Variants in OTOF observed in about 807,000 individuals in gnomAD.
The protein encoded by OTOF is fer-1-like family member 2.
Under a neutral mutation model 236.8 loss-of-function variants are expected in OTOF, and 218 were observed. That is an observed-to-expected ratio of 0.92 (90% CI 0.82 to 1.03). The LOEUF is 1.03. Ranked by LOEUF, OTOF falls within the 50% of genes least tolerant of loss-of-function variation. OTOF has a pLI of 0.00. For missense variants in OTOF, 2,590 were observed against 2,694.4 expected (o/e 0.96, Z 0.86); for synonymous variants, 1,041 against 1,072.5 (o/e 0.97, Z 0.57).
intron 2 of OTOF, among the ~76,000 whole-genome samples, chr2:26,533,544 C>T (rs891814714): frequency 6.6e-6 from 1 of 152,094 alleles, no homozygotes; most frequent in African/African-American, 2.4e-5. Flanking sequence ...AATTCTCTTC[C>T]CCACTCTAAG....
chr2:26,512,145 T>A lies in OTOF; in HGVS notation c.509+4273A>T, dbSNP rs575001450. Among the ~76,000 whole-genome samples the A allele has an allele frequency of 2.0e-5, 3 of 151,366 alleles. No homozygotes were observed. In the South Asian group the frequency reaches 6.3e-4, roughly 32 times the overall value. On this transcript the variant is annotated intron_variant, in intron 5 of 46. Transcript: ENST00000272371. ...CAGAGAGGAGACCAGCAGAAGAGGG[T>A]TTGGGCAGCAGAAGGAGGTGGGGGT... is the stretch of plus-strand genomic sequence containing the variant.
intron 9 of OTOF, among the ~76,000 whole-genome samples, chr2:26,490,830 G>T (rs1011930577): frequency 2.6e-5 from 4 of 152,190 alleles, no homozygotes; most frequent in Non-Finnish European, 4.4e-5. Context: ...AAGTTGCAAT[G>T]AGACACCCTG....
intron 5 of OTOF, among the ~76,000 whole-genome samples, chr2:26,506,729 G>A (rs1348954396): frequency 6.6e-6 from 1 of 152,212 alleles, no homozygotes; most frequent in Non-Finnish European, 1.5e-5. Flanking sequence ...GTCCGGTGCG[G>A]TGACTCACAC....
In OTOF at chr2:26,464,976, C is replaced by G. The variant is rs764799194; in HGVS notation, c.4853G>C (p.Arg1618Pro). 2 of 1,540,188 alleles carry G rather than the reference C, an allele frequency of 1.3e-6. No homozygotes were observed. Among genetic ancestry groups the G allele is most frequent in the Admixed American group, 1.9e-5 (1 of 53,690 alleles). Reference protein sequence around the residue: ...DPMKPSQILTRLCKDGKVDGP... With the variant: ...DPMKPSQILTPLCKDGKVDGP... ...GTCCACTTTGCCGTCTTTGCAGAGG[C>G]GGGTCAGGATCTGGCTGGGCTTCAT... Residue 1618 changes from arginine to proline, a missense_variant, in exon 39 of 47, where the codon CGC becomes CCC. By Grantham distance (103) the Arg-to-Pro change is moderately radical. Coordinates refer to ENST00000272371, the MANE Select transcript of OTOF (RefSeq NM_194248.3).
Position 26,479,612 on chromosome 2 carries a change from G to C in OTOF, c.1954C>G (p.Arg652Gly), listed in dbSNP as rs373864355. Residue 652 changes from arginine to glycine, a missense_variant, in exon 17 of 47, where the codon CGG becomes GGG. Physicochemically the swap from Arg to Gly is moderately radical, Grantham distance 125 (BLOSUM62 -2). Coordinates refer to ENST00000272371, the MANE Select transcript of OTOF (RefSeq NM_194248.3). Reference protein sequence around the residue: ...NEVDGLSRPQRPRPRKEPGDE... With the variant: ...NEVDGLSRPQGPRPRKEPGDE... ...CCCGGCTCCTTCCGGGGCCGAGGCCGCTGGGGCCGGGACAGGCCATCAACT... is the reference window on the plus strand; with the variant it reads ...CCCGGCTCCTTCCGGGGCCGAGGCCCCTGGGGCCGGGACAGGCCATCAACT... 1.9e-6 allele frequency: 3 copies of C among 1,612,548 alleles called. No individual in the cohort carries two copies. The highest frequency in any genetic ancestry group is 1.3e-5 in the African/African-American group (1 of 75,066).
In OTOF at chr2:26,480,920, C is replaced by T. The variant is rs764958055; in HGVS notation, c.1669G>A (p.Glu557Lys). The T allele has an allele frequency of 9.3e-6, 15 of 1,612,840 alleles. No homozygotes were observed. Among genetic ancestry groups the T allele is most frequent in the African/African-American group, 4.0e-5 (3 of 74,942 alleles). ...TLLDEHQDLN[E>K]GLGEGVSFRA... The stretch of plus-strand genomic sequence containing the variant: ...AAGGACACACCCTCCCCCAGGCCCT[C>T]GTTCAGGTCCTGATGCTCATCCAGC... Residue 557 changes from glutamate to lysine, a missense_variant, in exon 15 of 47, where the codon GAG becomes AAG. Coordinates refer to ENST00000272371, the MANE Select transcript of OTOF (RefSeq NM_194248.3).
intron 5 of OTOF, among the ~76,000 whole-genome samples, chr2:26,513,463 C>T (rs1422513716): frequency 6.6e-6 from 1 of 152,126 alleles, no homozygotes; most frequent in Non-Finnish European, 1.5e-5. Flanking sequence ...CGGGGCCTGT[C>T]TGGGCTGAGG....
At chr2:26,469,927 C>T (rs779567778) in intron 32 of OTOF, among the ~76,000 whole-genome samples, 1 of 152,236 alleles carries the variant, frequency 6.6e-6, no homozygotes, top group Non-Finnish European at 1.5e-5. Context: ...TCAGAGCACC[C>T]TGAGCTAGGT....
chr2:26,490,504 G>T (rs1321853588), intron 9 of OTOF, among the ~76,000 whole-genome samples: 9 of 152,220 alleles, frequency 5.9e-5, no homozygotes, highest in Admixed American at 5.9e-4. Context: ...TGAGGATGAG[G>T]GTGTGGGGCA....
intron 22 of OTOF, 118 bp from the exon 23 acceptor site, chr2:26,476,435 C>A: frequency 1.0e-6 from 1 of 983,374 alleles, no homozygotes; most frequent in South Asian, 1.4e-5. Context: ...CACAGCCATC[C>A]CGCTGGGCTG....
At chr2:26,525,253 A>G (rs1181254045) in intron 3 of OTOF, among the ~76,000 whole-genome samples, 1 of 152,120 alleles carries the variant, frequency 6.6e-6, no homozygotes, top group Admixed American at 6.5e-5. Context: ...CCCCATACTC[A>G]GCTGAGATTT....
chr2:26,542,056 A>G (rs1667223061), intron 1 of OTOF, among the ~76,000 whole-genome samples: 3 of 152,246 alleles, frequency 2.0e-5, no homozygotes, highest in Non-Finnish European at 2.9e-5. Context: ...TTCACCATTT[A>G]AAAATACCCA....
rs1665388637 is a variant in OTOF at position 26,477,747 on chromosome 2, T to C, written c.2217A>G (p.Glu739=). 1 of 1,612,560 alleles carries C rather than the reference T, an allele frequency of 6.2e-7. No homozygotes were observed. Among genetic ancestry groups the C allele is most frequent in the South Asian group, 1.1e-5 (1 of 91,080 alleles). The change falls in exon 19 of 47, where the codon GAA becomes GAG. Residue 739 remains glutamate, a splice_region_variant and synonymous_variant. Coordinates refer to ENST00000272371, the MANE Select transcript of OTOF (RefSeq NM_194248.3). The surrounding 1 kb of genome is among the most constrained non-coding windows in gnomAD (Gnocchi z 4.7). ...NIMDHIADKL[E]EGLNDIQEMI... is the part of the protein sequence containing the mutation. ...TCTCCTGTATGTCGTTCAGGCCTTCTTCCTGTGAATCAGGAGTGTGGGTGA... is the reference window on the plus strand; with the variant it reads ...TCTCCTGTATGTCGTTCAGGCCTTCCTCCTGTGAATCAGGAGTGTGGGTGA...
intron 32 of OTOF, among the ~76,000 whole-genome samples, chr2:26,468,903 G>A (rs1343195519): frequency 6.6e-6 from 1 of 152,128 alleles, no homozygotes; most frequent in South Asian, 2.1e-4. Context: ...GGCCTGTGGT[G>A]GTGCTGGGGG....
chr2:26,468,493 A>G lies in OTOF; in HGVS notation c.4024-19T>C, dbSNP rs1287803531. On this transcript the variant is annotated intron_variant, in intron 32 of 46. Coordinates refer to ENST00000272371, the MANE Select transcript of OTOF (RefSeq NM_194248.3). ...GAAGTTGCTGCCAAAAGATGAGATG[A>G]AAAGGACAGAAGGTGGGTTTCCTGG... 1 of 1,610,440 alleles carries G rather than the reference A, an allele frequency of 6.2e-7. No homozygotes were observed. The highest frequency in any genetic ancestry group is 1.3e-5 in the African/African-American group (1 of 74,944).
Position 26,457,775 on chromosome 2 carries a change from G to C in OTOF, c.*463C>G. On this transcript the variant is annotated 3_prime_UTR_variant, in exon 47 of 47. Transcript: ENST00000272371. The surrounding 1 kb of genome is among the most constrained non-coding windows in gnomAD (Gnocchi z 4.4). ...TGAAGAAGGGTGGCGCCTCAGCCAG[G>C]TGGGGCAAGAGAGACCCATTCCAGG... 4.3e-6 allele frequency: 2 copies of C among 465,944 alleles called. No individual in the cohort carries two copies. Among genetic ancestry groups the C allele is most frequent in the East Asian group, 3.6e-5 (1 of 28,162 alleles). 28.9% of individuals were successfully genotyped at this position (465,944 alleles called of 1,614,324 possible). A position where few individuals can be genotyped will look rare whatever the true frequency, so the allele number is the denominator to read the frequency against.
At chr2:26,520,952 T>C (rs1265037673) in intron 3 of OTOF, among the ~76,000 whole-genome samples, 3 of 152,170 alleles carry the variant, frequency 2.0e-5, no homozygotes, top group Non-Finnish European at 4.4e-5. Flanking sequence ...GGAAAATGTG[T>C]CACTGGTGGG....
rs751417627 is a variant in OTOF, at chr2:26,472,504, C to T, written c.3864+15G>A. On this transcript the variant is annotated intron_variant, in intron 30 of 46. Transcript: ENST00000272371. The stretch of plus-strand genomic sequence containing the variant: ...ATGTTCCCAGCCAGCAGGGGGCTGA[C>T]CCCACCCGCCTTACCGCGTCCAGCT... The T allele has an allele frequency of 1.9e-6, 3 of 1,613,322 alleles. No individual in the cohort carries two copies. The highest frequency in any genetic ancestry group is 2.5e-6 in the Non-Finnish European group (3 of 1,179,958).
chr2:26,557,474 G>A (rs1667621527), intron 1 of OTOF, among the ~76,000 whole-genome samples: 1 of 152,118 alleles, frequency 6.6e-6, no homozygotes, highest in African/African-American at 2.4e-5. Context: ...AATGCTCAGG[G>A]GCTCCGCTGT....
Sources: gnomAD v4.1 joint callset for allele counts (sites outside exome capture counted in the v4.1 genomes callset) on GRCh38, gnomAD v4.1.1 for gene constraint, Gnocchi (gnomAD v3.1) non-coding constraint, MANE v1.5 for transcripts, NCBI Gene and HGNC (gene_info 2026-07-23, HGNC 2026-07-21) for gene names.